Variants in CALD1 observed in about 807,000 individuals in gnomAD.
CALD1 encodes caldesmon.
In CALD1, 33 loss-of-function variants were observed where a neutral mutation model predicts 99.9. The ratio of observed to expected loss-of-function variants is 0.33; its 90% CI spans 0.25 to 0.44. The LOEUF is 0.44. Ranked by LOEUF, CALD1 falls within the 20% of genes least tolerant of loss-of-function variation. CALD1 has a pLI of 1.00. For synonymous variants in CALD1, 310 were observed against 325.0 expected (o/e 0.95, Z 0.50); for missense variants, 861 against 962.1 (o/e 0.89, Z 1.39).
rs557698563 is a variant in CALD1, at chr7:134,795,717, T to C, written c.-130+15968T>C. 6.6e-5 allele frequency among the ~76,000 whole-genome samples: 10 copies of C among 152,276 alleles called. No homozygotes were observed. In the South Asian group the frequency reaches 2.1e-3, roughly 32 times the overall value. The stretch of plus-strand genomic sequence containing the variant: ...TATGGCTGGAAATGTGCTATTATGA[T>C]TGGGCAGCCTTGTGCTTTATCCATG... On this transcript the variant is annotated intron_variant, in intron 1 of 14. Transcript: ENST00000361675.
At chr7:134,943,218 A>C (rs1438403161) in intron 7 of CALD1, among the ~76,000 whole-genome samples, 1 of 152,046 alleles carries the variant, frequency 6.6e-6, no homozygotes, top group Non-Finnish European at 1.5e-5. Context: ...GCTTCACTGA[A>C]AACAAGCTGT....
intron 1 of CALD1, among the ~76,000 whole-genome samples, chr7:134,836,067 C>T: frequency 6.6e-6 from 1 of 151,036 alleles, no homozygotes; most frequent in Non-Finnish European, 1.5e-5. Context: ...ATCACTTGAA[C>T]CTGGGAGGCA....
the CALD1 span, among the ~76,000 whole-genome samples, chr7:134,718,764 A>T: frequency 6.6e-6 from 1 of 152,142 alleles, no homozygotes; most frequent in Non-Finnish European, 1.5e-5. Flanking sequence ...CAGAAGTCTC[A>T]TGTCTTATAC....
intron 1 of CALD1, among the ~76,000 whole-genome samples, chr7:134,795,524 A>G (rs1797712848): frequency 6.6e-6 from 1 of 152,208 alleles, no homozygotes; most frequent in South Asian, 2.1e-4. Context: ...GAACAGACTA[A>G]TACAACAGTG....
chr7:134,756,081 G>A (rs749679743), intron 1 of CALD1, among the ~76,000 whole-genome samples: 12 of 151,726 alleles, frequency 7.9e-5, no homozygotes, highest in Non-Finnish European at 1.5e-4. Context: ...AGTAAAGACA[G>A]GGTTTCACTA....
chr7:134,779,609 G>A, upstream of CALD1: 1 of 398,598 alleles, frequency 2.5e-6, no homozygotes, highest in Non-Finnish European at 4.4e-6. Flanking sequence ...AAGGAAGGGC[G>A]GTCTGGAGTT....
intron 1 of CALD1, among the ~76,000 whole-genome samples, chr7:134,747,613 C>G (rs1473504953): frequency 6.6e-6 from 1 of 152,218 alleles, no homozygotes; most frequent in African/African-American, 2.4e-5. Context: ...AAGGCCATCG[C>G]TGCCCAGAGC....
At chr7:134,844,215 A>C (rs1475993709) in intron 2 of CALD1, 1 of 151,870 alleles carries the variant, frequency 6.6e-6, no homozygotes, top group East Asian at 1.9e-4. Flanking sequence ...TTTATTTTTA[A>C]ATGTTTCCTG....
At chr7:134,792,985 G>A (rs564560250) in intron 1 of CALD1, among the ~76,000 whole-genome samples, 6 of 152,328 alleles carry the variant, frequency 3.9e-5, no homozygotes, top group South Asian at 2.1e-4. Context: ...AGAGGTTTTC[G>A]AAATGACGCA....
At chr7:134,814,197 GTATGGAAGCTGTCGGAAGAGCTA>G (rs1199308024) in intron 1 of CALD1, among the ~76,000 whole-genome samples, 2 of 152,180 alleles carry the variant, frequency 1.3e-5, no homozygotes, top group African/African-American at 4.8e-5. Flanking sequence ...GATACAAAGG[GTATGGAAGCTGTCGGAAGAGCTA>G]TAAATCACGA....
the CALD1 span, among the ~76,000 whole-genome samples, chr7:134,737,864 T>G: frequency 1.4e-4 from 21 of 152,334 alleles, no homozygotes; most frequent in East Asian, 3.3e-3. Context: ...AGGGACCAGT[T>G]TTTACATTAA....
chr7:134,794,870 T>C (rs1797688955), intron 1 of CALD1, among the ~76,000 whole-genome samples: 1 of 152,228 alleles, frequency 6.6e-6, no homozygotes. Flanking sequence ...CATGACACAG[T>C]CATCTGCAAC....
chr7:134,813,988 C>T (rs1221758331), intron 1 of CALD1, among the ~76,000 whole-genome samples: 2 of 152,062 alleles, frequency 1.3e-5, no homozygotes, highest in East Asian at 1.9e-4. Flanking sequence ...TGATCACAGA[C>T]ATGAATGTTG....
At chr7:134,806,139 T>C (rs923690661) in intron 1 of CALD1, among the ~76,000 whole-genome samples, 2 of 152,224 alleles carry the variant, frequency 1.3e-5, no homozygotes, top group Admixed American at 6.5e-5. Flanking sequence ...GGGCATTACC[T>C]GCATTGCAGA....
chr7:134,725,659 T>C, the CALD1 span, among the ~76,000 whole-genome samples: 15 of 152,344 alleles, frequency 9.8e-5, no homozygotes, highest in South Asian at 2.3e-3. Flanking sequence ...CCCAAAGACA[T>C]TGGATTTTAA....
At chr7:134,860,027 G>A (rs1030090514) in intron 2 of CALD1, among the ~76,000 whole-genome samples, 1 of 152,042 alleles carries the variant, frequency 6.6e-6, no homozygotes, top group South Asian at 2.1e-4. Flanking sequence ...GGAAAAACAG[G>A]TCATAACCTG....
At chr7:134,867,115 C>T (rs1209720410) in intron 2 of CALD1, 1 of 152,164 alleles carries the variant, frequency 6.6e-6, no homozygotes, top group African/African-American at 2.4e-5. Context: ...AGCTTGATCA[C>T]CACTTAACTG....
chr7:134,722,619 A>G, the CALD1 span, among the ~76,000 whole-genome samples: 4 of 152,058 alleles, frequency 2.6e-5, no homozygotes, highest in South Asian at 2.1e-4. Flanking sequence ...ACAGGGTTTC[A>G]CCATATTGGT....
chr7:134,726,642 C>T, the CALD1 span, among the ~76,000 whole-genome samples: 1 of 151,014 alleles, frequency 6.6e-6, no homozygotes, highest in South Asian at 2.1e-4. Flanking sequence ...TAGCCATCAC[C>T]ATAAAAAAAA....
Sources: allele counts gnomAD v4.1 joint callset (sites outside exome capture counted in the v4.1 genomes callset), GRCh38; gene constraint gnomAD v4.1.1; transcripts MANE v1.5; gene names NCBI Gene and HGNC (gene_info 2026-07-23, HGNC 2026-07-21).